Variants in MAD1L1 observed in about 807,000 individuals in gnomAD.
The protein encoded by MAD1L1 is mitotic spindle assembly checkpoint protein MAD1.
In MAD1L1, 95 loss-of-function variants were observed where a neutral mutation model predicts 96.9. That is an observed-to-expected ratio of 0.98 (90% CI 0.83 to 1.16). MAD1L1 has a LOEUF of 1.16. Ranked by LOEUF, MAD1L1 falls within the 50% of genes most tolerant of loss-of-function variation. The pLI is 0.00. For synonymous variants in MAD1L1, 473 were observed against 396.6 expected, an observed-to-expected ratio of 1.19 and a Z score of -2.29; for missense variants, 1,007 against 954.4, an observed-to-expected ratio of 1.06 and a Z score of -0.73.
chr7:1,957,694 C>T lies in MAD1L1; in HGVS notation c.1531G>A (p.Glu511Lys), dbSNP rs377555260. 7.0e-5 allele frequency: 113 copies of T among 1,614,150 alleles called. 1 individual carries two copies. The East Asian group carries it at 2.1e-3, about 31-fold the overall frequency. The change falls in exon 16 of 19, where the codon GAG becomes AAG. Residue 511 changes from glutamate to lysine, a missense_variant. Glu to Lys is a moderately conservative substitution (Grantham distance 56). Transcript: ENST00000265854. The part of the protein sequence containing the change: ...LRLKVEELEG[E>K]RSRLEEEKRM... ...TTTTCCTCCTCCAGCCGACTCCGCT[C>T]GCCTTCCAGCTCCTCGACCTTCAAC...
chr7:2,155,634 G>A (rs1195092346), intron 10 of MAD1L1, among the ~76,000 whole-genome samples: 3 of 152,230 alleles, frequency 2.0e-5, no homozygotes, highest in Non-Finnish European at 4.4e-5. Context: ...GCATGTGGCA[G>A]ACTCTCCTTC....
intron 10 of MAD1L1, among the ~76,000 whole-genome samples, chr7:2,189,028 A>G (rs1436251768): frequency 6.6e-6 from 1 of 152,154 alleles, no homozygotes; most frequent in African/African-American, 2.4e-5. Context: ...CTGCATAGAC[A>G]TTTTTCCAAA....
At chr7:2,227,825 C>T (rs752820416) in intron 3 of MAD1L1, among the ~76,000 whole-genome samples, 1 of 152,312 alleles carries the variant, frequency 6.6e-6, no homozygotes, top group South Asian at 2.1e-4. Flanking sequence ...GCAGGGGGCA[C>T]GACCGGCAGG....
At chr7:2,050,443 G>A (rs964859208) in intron 12 of MAD1L1, among the ~76,000 whole-genome samples, 4 of 152,230 alleles carry the variant, frequency 2.6e-5, no homozygotes, top group Admixed American at 1.3e-4. Flanking sequence ...TTCCTGGGCC[G>A]CCTCCACTCT....
At chr7:1,893,502 G>A (rs1212827261) in intron 18 of MAD1L1, among the ~76,000 whole-genome samples, 1 of 152,166 alleles carries the variant, frequency 6.6e-6, no homozygotes, top group Non-Finnish European at 1.5e-5. Flanking sequence ...TCTTTCAGGA[G>A]CACGGGAGCC....
chr7:2,121,541 A>C (rs1047501484), intron 11 of MAD1L1, among the ~76,000 whole-genome samples: 12 of 152,156 alleles, frequency 7.9e-5, no homozygotes, highest in African/African-American at 2.4e-4. Context: ...TTCATTAGAA[A>C]CCACAGACCT....
At chr7:1,919,720 G>A (rs1447631347) in intron 17 of MAD1L1, among the ~76,000 whole-genome samples, 1 of 152,246 alleles carries the variant, frequency 6.6e-6, no homozygotes, top group East Asian at 1.9e-4. Flanking sequence ...TCAGAGCTGA[G>A]AGAGCTGAAC....
At chr7:1,886,862 G>A (rs1055050792) in intron 18 of MAD1L1, among the ~76,000 whole-genome samples, 1 of 152,252 alleles carries the variant, frequency 6.6e-6, no homozygotes, top group Non-Finnish European at 1.5e-5. Context: ...CCTGGCCCAG[G>A]CCAGCAGCTC....
chr7:2,213,203 C>G lies in MAD1L1; in HGVS notation c.986+9G>C, dbSNP rs756530716. The G allele has an allele frequency of 1.2e-5, 19 of 1,614,020 alleles. No individual in the cohort carries two copies. The highest frequency in any genetic ancestry group is 2.7e-5 in the African/African-American group (2 of 74,948). ...AGGCGGGACCCCGGAGACACCTGCC[C>G]TTCCCTACCTGATGCTCAGGCCCAT... On this transcript the variant is annotated intron_variant, in intron 10 of 18. Transcript: ENST00000265854.
chr7:2,087,682 C>T (rs981319173), intron 11 of MAD1L1, among the ~76,000 whole-genome samples: 1 of 152,188 alleles, frequency 6.6e-6, no homozygotes, highest in African/African-American at 2.4e-5. Flanking sequence ...CTGCCTGTGC[C>T]GATCGCAAAG....
intron 13 of MAD1L1, among the ~76,000 whole-genome samples, chr7:2,009,606 G>A (rs1265288704): frequency 6.6e-6 from 1 of 152,186 alleles, no homozygotes; most frequent in African/African-American, 2.4e-5. Context: ...CTCTCCCTGT[G>A]GGTGGAGGTC....
chr7:1,952,592 G>A (rs1259812313), intron 16 of MAD1L1, among the ~76,000 whole-genome samples: 1 of 152,238 alleles, frequency 6.6e-6, no homozygotes, highest in Non-Finnish European at 1.5e-5. Context: ...GGTGCGTGAA[G>A]GTGGCTCACG....
chr7:1,856,999 C>A (rs1270481820), intron 18 of MAD1L1, among the ~76,000 whole-genome samples: 1 of 151,674 alleles, frequency 6.6e-6, no homozygotes, highest in Non-Finnish European at 1.5e-5. Flanking sequence ...CTGGACCCTG[C>A]TGGTCACGCC....
chr7:2,129,160 G>A lies in MAD1L1; in HGVS notation c.1073+19992C>T, dbSNP rs1364417852. Among the ~76,000 whole-genome samples the A allele has an allele frequency of 2.6e-5, 4 of 152,268 alleles. No individual in the cohort carries two copies. In the East Asian group the frequency reaches 5.8e-4, roughly 22 times the overall value. The stretch of plus-strand genomic sequence containing the variant: ...GGACCGGGCAGGCGCATTCCATGAG[G>A]GGCCCGCAGGATCCCGGGGGAGCTG... On this transcript the variant is annotated intron_variant, in intron 11 of 18. Transcript: ENST00000265854.
intron 18 of MAD1L1, among the ~76,000 whole-genome samples, chr7:1,837,695 G>A (rs888322403): frequency 3.3e-5 from 5 of 152,360 alleles, no homozygotes; most frequent in East Asian, 1.9e-4. Flanking sequence ...TAGATACTGC[G>A]TGATGCCACT....
At chr7:1,963,366 C>G (rs1041863201) in intron 15 of MAD1L1, among the ~76,000 whole-genome samples, 3 of 152,114 alleles carry the variant, frequency 2.0e-5, no homozygotes, top group Non-Finnish European at 4.4e-5. Context: ...CCAGAAGACT[C>G]GACAGCCGCC....
Position 1,951,381 on chromosome 7 carries a change from G to A in MAD1L1, c.1596+6248C>T, listed in dbSNP as rs1010070003. ...CTCAAGCGCCCTGCCCCTCCCGTCCGGGGTGTGGCTCACTCCTAACAAGCT... is the reference window on the plus strand; with the variant it reads ...CTCAAGCGCCCTGCCCCTCCCGTCCAGGGTGTGGCTCACTCCTAACAAGCT... On this transcript the variant is annotated intron_variant, in intron 16 of 18. Transcript: ENST00000265854. Among the ~76,000 whole-genome samples the A allele has an allele frequency of 9.2e-5, 14 of 152,200 alleles. No homozygotes were observed. The East Asian group carries it at 1.2e-3, about 13-fold the overall frequency.
chr7:2,187,594 G>A (rs910809897), intron 10 of MAD1L1, among the ~76,000 whole-genome samples: 2 of 152,176 alleles, frequency 1.3e-5, no homozygotes, highest in Non-Finnish European at 2.9e-5. Flanking sequence ...TCAACTTTCC[G>A]AGCAGCTGGA....
At chr7:1,850,651 C>A (rs553578207) in intron 18 of MAD1L1, among the ~76,000 whole-genome samples, 6 of 152,266 alleles carry the variant, frequency 3.9e-5, no homozygotes, top group Admixed American at 6.5e-5. Flanking sequence ...ACCCCCAAAG[C>A]CATGGTTGCC....
Sources: allele counts gnomAD v4.1 joint callset (sites outside exome capture counted in the v4.1 genomes callset), GRCh38; gene constraint gnomAD v4.1.1; transcripts MANE v1.5; gene names NCBI Gene and HGNC (gene_info 2026-07-23, HGNC 2026-07-21).